The following PIP4K2B variants were observed in gnomAD, a reference collection of about 807,000 sequenced individuals.
PIP4K2B encodes the protein phosphatidylinositol-5-phosphate 4-kinase type 2 beta.
Under a neutral mutation model 42.0 loss-of-function variants are expected in PIP4K2B, and 3 were observed. The ratio of observed to expected loss-of-function variants is 0.07; its 90% CI spans 0.03 to 0.18. The LOEUF (loss-of-function observed/expected upper bound fraction) is 0.18. Among genes scored for constraint, PIP4K2B ranks in the 10% least tolerant of loss-of-function variants. The probability of loss-of-function intolerance (pLI) is 1.00; values close to 1 mark genes in which losing one functional copy is unlikely to be tolerated. For missense variants in PIP4K2B, 332 were observed against 562.3 expected (o/e 0.59, Z 4.14); for synonymous variants, 204 against 210.1 (o/e 0.97, Z 0.25).
chr17:38,773,862 G>C, intron 7 of PIP4K2B, among the ~76,000 whole-genome samples: 1 of 152,186 alleles, frequency 6.6e-6, no homozygotes, highest in East Asian at 1.9e-4. Context: ...CCACCCACCT[G>C]AGAACATTTA....
At chr17:38,770,340 G>GC in intron 9 of PIP4K2B, 96 bp downstream of exon 9, 1 of 736,360 alleles carries the variant, frequency 1.4e-6, no homozygotes, top group Non-Finnish European at 2.4e-6. Flanking sequence ...TGTGTTCCTT[G>GC]GAGCAGGAGG....
chr17:38,773,146 A>C (rs1909139611), intron 7 of PIP4K2B, among the ~76,000 whole-genome samples: 1 of 152,208 alleles, frequency 6.6e-6, no homozygotes, highest in African/African-American at 2.4e-5. Context: ...GACAGAAAAT[A>C]AGGGTAGACA....
chr17:38,781,346 A>C (rs1407247794), intron 3 of PIP4K2B, among the ~76,000 whole-genome samples: 1 of 151,938 alleles, frequency 6.6e-6, no homozygotes, highest in Non-Finnish European at 1.5e-5. Flanking sequence ...AGGGTGTGGG[A>C]AGGCGTGAGT....
chr17:38,776,161 G>T, intron 7 of PIP4K2B: 1 of 362,420 alleles, frequency 2.8e-6, no homozygotes, highest in South Asian at 2.0e-5. Context: ...GTAGAGACTG[G>T]GTTTCTCCAT....
intron 2 of PIP4K2B, among the ~76,000 whole-genome samples, chr17:38,785,040 T>C (rs1909930597): frequency 6.6e-6 from 1 of 152,258 alleles, no homozygotes; most frequent in Admixed American, 6.5e-5. Context: ...CACTGGGACG[T>C]AGGAAAAGAG....
intron 1 of PIP4K2B, among the ~76,000 whole-genome samples, chr17:38,791,743 C>A (rs1910353085): frequency 6.7e-6 from 1 of 149,624 alleles, no homozygotes; most frequent in Non-Finnish European, 1.5e-5. Context: ...TACTTCTACT[C>A]AGTGTATTAA....
chr17:38,779,225 C>G (rs1015248452), intron 5 of PIP4K2B, among the ~76,000 whole-genome samples, 158 bp downstream of exon 5: 1 of 151,852 alleles, frequency 6.6e-6, no homozygotes, highest in African/African-American at 2.4e-5. Context: ...CTTCAAACTG[C>G]CTTTGGTCCA....
intron 1 of PIP4K2B, among the ~76,000 whole-genome samples, chr17:38,793,330 G>A (rs1434160070): frequency 3.3e-5 from 5 of 149,986 alleles, no homozygotes; most frequent in East Asian, 2.0e-4. Flanking sequence ...TGCAACCGCC[G>A]TCTCCCAGGT....
intron 4 of PIP4K2B, chr17:38,779,831 A>G: frequency 2.9e-6 from 1 of 350,064 alleles, no homozygotes; most frequent in Non-Finnish European, 5.3e-6. Context: ...ATTCTACCAC[A>G]GGAAAATCCC....
intron 7 of PIP4K2B, among the ~76,000 whole-genome samples, chr17:38,772,683 G>A (rs934028185): frequency 1.3e-5 from 2 of 152,146 alleles, no homozygotes; most frequent in African/African-American, 4.8e-5. Context: ...CCAGGTTCAA[G>A]TGATTCTCCT....
At chr17:38,776,703 T>G (rs1278096265) in intron 7 of PIP4K2B, 1 of 391,726 alleles carries the variant, frequency 2.6e-6, no homozygotes, top group East Asian at 7.3e-5. Context: ...TAAAAAAAAT[T>G]TTTTTTCCCA....
chr17:38,771,349 G>A (rs1909030908), intron 7 of PIP4K2B, 77 bp from the exon 8 acceptor site: 1 of 1,518,092 alleles, frequency 6.6e-7, no homozygotes, highest in African/African-American at 1.4e-5. Context: ...AGAAAGGGGG[G>A]AAAGGCATTC....
At chr17:38,785,988 G>A (rs1046554982) in intron 2 of PIP4K2B, among the ~76,000 whole-genome samples, 13 of 152,114 alleles carry the variant, frequency 8.5e-5, no homozygotes, top group Non-Finnish European at 4.4e-5. Context: ...GGAGACAGAC[G>A]GCTTCTAGAA....
intron 6 of PIP4K2B, 85 bp from the exon 7 acceptor site, chr17:38,777,885 C>A: frequency 1.0e-6 from 1 of 953,384 alleles, no homozygotes; most frequent in Non-Finnish European, 1.7e-6. Flanking sequence ...AGCAACTATA[C>A]AGAAAGGGGA....
intron 7 of PIP4K2B, among the ~76,000 whole-genome samples, chr17:38,773,815 G>C (rs936850216): frequency 1.3e-5 from 2 of 152,170 alleles, no homozygotes; most frequent in African/African-American, 2.4e-5. Context: ...GAAGGGGCTA[G>C]GGTCCCAGGA....
chr17:38,771,688 C>T (rs560671266), intron 7 of PIP4K2B, among the ~76,000 whole-genome samples: 26 of 151,670 alleles, frequency 1.7e-4, no homozygotes, highest in Non-Finnish European at 3.5e-4. Context: ...AAAGATAGAA[C>T]GAGCACTGCA....
At chr17:38,782,302 C>A (rs1909759425) in intron 3 of PIP4K2B, among the ~76,000 whole-genome samples, 1 of 152,212 alleles carries the variant, frequency 6.6e-6, no homozygotes, top group South Asian at 2.1e-4. Context: ...GGGTCCCCTC[C>A]CTGAGCACCA....
At chr17:38,782,789 A>C (rs1439187308) in intron 3 of PIP4K2B, among the ~76,000 whole-genome samples, 1 of 152,174 alleles carries the variant, frequency 6.6e-6, no homozygotes, top group Non-Finnish European at 1.5e-5. Flanking sequence ...GGGAGGAACT[A>C]CAGTGTTAGA....
At chr17:38,780,735 TTTA>T in intron 3 of PIP4K2B, 131 bp from the exon 4 acceptor site, 8 of 782,546 alleles carry the variant, frequency 1.0e-5, no homozygotes, top group Non-Finnish European at 1.6e-5. Context: ...CAGATGGGAG[TTTA>T]CCCTCCCCTT....
Sources: gnomAD v4.1 joint callset for allele counts (sites outside exome capture counted in the v4.1 genomes callset) on GRCh38, gnomAD v4.1.1 for gene constraint, MANE v1.5 for transcripts, NCBI Gene and HGNC (gene_info 2026-07-23, HGNC 2026-07-21) for gene names.